SNRPB2: variants seen among roughly 807,000 people sequenced by gnomAD.
The protein encoded by SNRPB2 is small nuclear ribonucleoprotein polypeptide B2.
Under a neutral mutation model 26.3 loss-of-function variants are expected in SNRPB2, and 16 were observed. The observed-to-expected ratio is 0.61, with a 90% CI of 0.41 to 0.92. The LOEUF is 0.92. Ranked by LOEUF, SNRPB2 falls within the 40% of genes least tolerant of loss-of-function variation. SNRPB2 has a pLI of 0.00. For missense variants in SNRPB2, 179 were observed against 268.1 expected (o/e 0.67, Z 2.32); for synonymous variants, 75 against 89.0 (o/e 0.84, Z 0.88).
intron 3 of SNRPB2, among the ~76,000 whole-genome samples, chr20:16,734,278 T>C (rs2072411448): frequency 6.6e-6 from 1 of 152,158 alleles, no homozygotes; most frequent in South Asian, 2.1e-4. Context: ...TACTGCCAAA[T>C]CTCCATCTTA....
chr20:16,733,909 A>G (rs2122499857), intron 3 of SNRPB2, among the ~76,000 whole-genome samples: 1 of 152,296 alleles, frequency 6.6e-6, no homozygotes, highest in East Asian at 1.9e-4. Context: ...TGTAATTTTT[A>G]GTATATTGGT....
chr20:16,737,291 A>G lies in SNRPB2; in HGVS notation c.268A>G (p.Ile90Val). The part of the protein sequence containing the change: ...RIQYAKTDSD[I>V]ISKMRGTFAD... ...ACAGTATGCAAAAACAGATTCGGATATAATATCAAAAATGCGTGGAACTTT... is the reference window on the plus strand; with the variant it reads ...ACAGTATGCAAAAACAGATTCGGATGTAATATCAAAAATGCGTGGAACTTT... Residue 90 changes from isoleucine to valine, a missense_variant, in exon 4 of 7, where the codon ATA becomes GTA. Transcript: ENST00000246071. The G allele has an allele frequency of 1.2e-6, 2 of 1,601,096 alleles. No homozygotes were observed. The highest frequency in any genetic ancestry group is 1.7e-6 in the Non-Finnish European group (2 of 1,176,508).
At chr20:16,732,986 CCA>C (rs2072402812) in intron 3 of SNRPB2, among the ~76,000 whole-genome samples, 1 of 152,094 alleles carries the variant, frequency 6.6e-6, no homozygotes, top group Non-Finnish European at 1.5e-5. Flanking sequence ...ATAAGGGTGA[CCA>C]CAGAGTGTGA....
At chr20:16,738,705 T>C in intron 4 of SNRPB2, 147 bp from the exon 5 acceptor site, 1 of 659,732 alleles carries the variant, frequency 1.5e-6, no homozygotes, top group South Asian at 1.7e-5. Context: ...AGTGTTAAGA[T>C]ATAAATTCTT....
Position 16,742,373 on chromosome 20 carries a change from G to A in SNRPB2, c.*1368G>A, listed in dbSNP as rs373777333. The A allele has an allele frequency of 6.6e-6, 1 of 152,122 alleles. No homozygotes were observed. Among genetic ancestry groups the A allele is most frequent in the East Asian group, 1.9e-4 (1 of 5,188 alleles). 9.4% of individuals were successfully genotyped at this position (152,122 alleles called of 1,614,324 possible). A position where few individuals can be genotyped will look rare whatever the true frequency, so the allele number is the denominator to read the frequency against. On this transcript the variant is annotated 3_prime_UTR_variant, in exon 7 of 7. Transcript: ENST00000246071. Reference sequence around the variant, plus strand: ...CCCAGTCCTGGCCATGCTTTGAGTGGCTGTATTGGAGCAGAAAAGCCAGGG... The same window carrying A: ...CCCAGTCCTGGCCATGCTTTGAGTGACTGTATTGGAGCAGAAAAGCCAGGG...
intron 4 of SNRPB2, among the ~76,000 whole-genome samples, chr20:16,737,690 C>T (rs2072435416): frequency 6.6e-6 from 1 of 152,060 alleles, no homozygotes; most frequent in Non-Finnish European, 1.5e-5. Flanking sequence ...TCAAGTTTTG[C>T]TGCCTATAAA....
chr20:16,732,456 G>T, intron 3 of SNRPB2, 120 bp downstream of exon 3: 1 of 600,984 alleles, frequency 1.7e-6, no homozygotes, highest in South Asian at 2.6e-5. Flanking sequence ...TGTGTGTTTG[G>T]GTTTATGTAT....
rs978052129 is a variant in SNRPB2, at chr20:16,732,029, T to C, written c.65-135T>C. 3 of 634,062 alleles carry C rather than the reference T, an allele frequency of 4.7e-6. No individual in the cohort carries two copies. The African/African-American group carries it at 5.7e-5, about 12-fold the overall frequency. The allele number at this position is 634,062 out of a possible 1,614,324, so 39.3% of individuals were successfully genotyped here. ...ATATAGCCAATGGGAATAGTATATG[T>C]TTTTATAAATATTAAAATATATAAC... On this transcript the variant is annotated intron_variant, in intron 2 of 6. Transcript: ENST00000246071.
At chr20:16,739,594 G>C (rs368700121) in intron 5 of SNRPB2, among the ~76,000 whole-genome samples, 53 of 152,152 alleles carry the variant, frequency 3.5e-4, no homozygotes, top group African/African-American at 1.2e-3. Flanking sequence ...AGCATTTATA[G>C]TCCAGTTCAC....
rs772305244 is a variant in SNRPB2 at position 16,738,906 on chromosome 20, AT to A, written c.429+12del. ...AAATTCAACACCAAATCCTCAGGTA[AT>A]TTTTTTTCCATGTCGTGCTTACCTT... On this transcript the variant is annotated splice_donor_5th_base_variant and intron_variant, in intron 5 of 6. Coordinates refer to ENST00000246071, the MANE Select transcript of SNRPB2 (RefSeq NM_003092.5). 77 of 1,595,440 alleles carry A rather than the reference AT, an allele frequency of 4.8e-5. No homozygotes were observed. Among genetic ancestry groups the A allele is most frequent in the Non-Finnish European group, 6.2e-5 (72 of 1,163,620 alleles).
In SNRPB2 at chr20:16,731,683, C is replaced by G; in HGVS notation, c.-20C>G. 1 of 1,611,042 alleles carries G rather than the reference C, an allele frequency of 6.2e-7. No homozygotes were observed. Among genetic ancestry groups the G allele is most frequent in the Non-Finnish European group, 8.5e-7 (1 of 1,178,314 alleles). ...TTTATAACAGATTTTTTACTGTCTC[C>G]TGAAGAATTTAACACAAACATGGAT... is the stretch of plus-strand genomic sequence containing the variant. On this transcript the variant is annotated 5_prime_UTR_variant, in exon 2 of 7. Transcript: ENST00000246071.
chr20:16,733,536 C>T (rs1568753342), intron 3 of SNRPB2, among the ~76,000 whole-genome samples: 2 of 152,156 alleles, frequency 1.3e-5, no homozygotes, highest in Non-Finnish European at 2.9e-5. Flanking sequence ...AATCTAACAG[C>T]TAGTATTGTG....
chr20:16,739,154 A>G (rs1295882720), intron 5 of SNRPB2, among the ~76,000 whole-genome samples: 2 of 152,208 alleles, frequency 1.3e-5, no homozygotes, highest in Non-Finnish European at 2.9e-5. Flanking sequence ...TCAAAATGAC[A>G]GACTTTAAAC....
rs2072462245 is a variant in SNRPB2 at position 16,741,458 on chromosome 20, A to T, written c.*453A>T. 6.6e-6 allele frequency: 1 copy of T among 152,330 alleles called. No individual in the cohort carries two copies. Among genetic ancestry groups the T allele is most frequent in the Non-Finnish European group, 1.5e-5 (1 of 68,122 alleles). The allele number at this position is 152,330 out of a possible 1,614,324, so 9.4% of individuals were successfully genotyped here. On this transcript the variant is annotated 3_prime_UTR_variant, in exon 7 of 7. Coordinates refer to ENST00000246071, the MANE Select transcript of SNRPB2 (RefSeq NM_003092.5). ...TTGTTCTGGGTATTAGAAGAAAATG[A>T]GACCCAGGCAGGATCTAAATTTGAT...
intron 3 of SNRPB2, among the ~76,000 whole-genome samples, chr20:16,733,467 T>A (rs1331694401): frequency 1.3e-5 from 2 of 152,198 alleles, no homozygotes; most frequent in Non-Finnish European, 2.9e-5. Flanking sequence ...CATAGAAAGT[T>A]TAATTGTTCA....
At chr20:16,735,740 A>G (rs2072422207) in intron 3 of SNRPB2, among the ~76,000 whole-genome samples, 1 of 152,252 alleles carries the variant, frequency 6.6e-6, no homozygotes, top group African/African-American at 2.4e-5. Context: ...TGAAAGGCAT[A>G]TGCAAGTGGT....
chr20:16,732,274 C>T lies in SNRPB2; in HGVS notation c.175C>T (p.Leu59=), dbSNP rs773244742. The T allele has an allele frequency of 6.9e-6, 11 of 1,603,624 alleles. No individual in the cohort carries two copies. Among genetic ancestry groups the T allele is most frequent in the East Asian group, 2.2e-5 (1 of 44,584 alleles). Reference sequence around the variant, plus strand: ...GCAGGCCTTTGTCATATTTAAGGAACTGGGCTCATCCACAAATGCCTTGAG... The same window carrying T: ...GCAGGCCTTTGTCATATTTAAGGAATTGGGCTCATCCACAAATGCCTTGAG... The part of the protein sequence containing the change: ...RGQAFVIFKE[L]GSSTNALRQL... Residue 59 remains leucine (L), a synonymous_variant, in exon 3 of 7, where the codon CTG becomes TTG. Transcript: ENST00000246071.
chr20:16,738,875 C>T lies in SNRPB2; in HGVS notation c.402C>T (p.Thr134=), dbSNP rs1318873359. ...PGQGTPNSAN[T]QGNSTPNPQV... The stretch of plus-strand genomic sequence containing the variant: ...AGGGAACTCCAAATTCAGCTAATAC[C>T]CAAGGAAATTCAACACCAAATCCTC... Residue 134 remains threonine (T), a synonymous_variant, in exon 5 of 7, where the codon ACC becomes ACT. Transcript: ENST00000246071. 5.6e-6 allele frequency: 9 copies of T among 1,605,950 alleles called. No individual in the cohort carries two copies. Among genetic ancestry groups the T allele is most frequent in the South Asian group, 1.1e-5 (1 of 90,914 alleles).
chr20:16,740,511 C>T (rs1427033399), intron 6 of SNRPB2, 98 bp downstream of exon 6: 1 of 1,515,524 alleles, frequency 6.6e-7, no homozygotes, highest in Non-Finnish European at 8.8e-7. Context: ...GCAGTAATTC[C>T]TTACAGGTTC....
Sources: allele counts gnomAD v4.1 joint callset (sites outside exome capture counted in the v4.1 genomes callset), GRCh38; gene constraint gnomAD v4.1.1; transcripts MANE v1.5; gene names NCBI Gene and HGNC (gene_info 2026-07-23, HGNC 2026-07-21).